The following FIP1L1 variants were observed in gnomAD, a reference collection of about 807,000 sequenced individuals.
FIP1L1 encodes the protein factor interacting with PAPOLA and CPSF1.
A neutral mutation model predicts 84.6 loss-of-function variants in FIP1L1; 21 were observed. The ratio of observed to expected loss-of-function variants is 0.25; its 90% CI spans 0.18 to 0.36. FIP1L1 has a LOEUF of 0.36. Ranked by LOEUF, FIP1L1 falls within the 10% of genes least tolerant of loss-of-function variation. The probability of loss-of-function intolerance (pLI) is 1.00; values close to 1 mark genes in which losing one functional copy is unlikely to be tolerated. For missense variants in FIP1L1, 526 were observed against 751.1 expected (o/e 0.70, Z 3.50); for synonymous variants, 263 against 242.3 (o/e 1.09, Z -0.80).
chr4:53,400,061 A>G (rs1749439546), intron 10 of FIP1L1, among the ~76,000 whole-genome samples: 1 of 152,208 alleles, frequency 6.6e-6, no homozygotes, highest in South Asian at 2.1e-4. Flanking sequence ...AGTTTTGTGT[A>G]TGAATAAAGA....
intron 14 of FIP1L1, among the ~76,000 whole-genome samples, chr4:53,443,649 T>C (rs1772960247): frequency 6.6e-6 from 1 of 152,148 alleles, no homozygotes; most frequent in Non-Finnish European, 1.5e-5. Flanking sequence ...ATTTTCTCAG[T>C]CAAAATGTTA....
At chr4:53,391,213 C>T in intron 8 of FIP1L1, 74 bp downstream of exon 8, 1 of 1,484,196 alleles carries the variant, frequency 6.7e-7, no homozygotes, top group East Asian at 2.3e-5. Context: ...AAATCGCTTC[C>T]CTATAAAAGT....
chr4:53,444,634 G>A (rs1477325985), intron 15 of FIP1L1, among the ~76,000 whole-genome samples: 1 of 152,016 alleles, frequency 6.6e-6, no homozygotes, highest in Non-Finnish European at 1.5e-5. Flanking sequence ...CTTGTCTGTT[G>A]CCTAGGCTGG....
In FIP1L1 at chr4:53,377,783, G is replaced by C. The variant is rs1241143697; in HGVS notation, c.-56G>C. On this transcript the variant is annotated 5_prime_UTR_variant, in exon 1 of 18. Transcript: ENST00000337488. ...TCGCGCCTCGGGGCTGCGAGGCTGG[G>C]GAAGGGGTTGGAGGGGGCTGTTGAT... The C allele has an allele frequency of 6.9e-7, 1 of 1,450,432 alleles. No homozygotes were observed. Among genetic ancestry groups the C allele is most frequent in the Non-Finnish European group, 9.2e-7 (1 of 1,085,196 alleles). 89.8% of individuals were successfully genotyped at this position (1,450,432 alleles called of 1,614,324 possible). A position where few individuals can be genotyped will look rare whatever the true frequency, so the allele number is the denominator to read the frequency against.
chr4:53,382,212 AAT>A, intron 3 of FIP1L1, 64 bp from the exon 4 acceptor site: 1 of 1,090,850 alleles, frequency 9.2e-7, no homozygotes, highest in South Asian at 1.3e-5. Context: ...TAGAAATACT[AAT>A]ATAATCTATC....
At chr4:53,380,727 A>G (rs879723894) in intron 3 of FIP1L1, among the ~76,000 whole-genome samples, 23 of 152,216 alleles carry the variant, frequency 1.5e-4, no homozygotes, top group Non-Finnish European at 2.5e-4. Context: ...TAAAATTTAT[A>G]TATTCAACTC....
In FIP1L1 at chr4:53,377,746, T is replaced by G; in HGVS notation, c.-93T>G. 2 of 1,222,956 alleles carry G rather than the reference T, an allele frequency of 1.6e-6. No individual in the cohort carries two copies. Among genetic ancestry groups the G allele is most frequent in the Non-Finnish European group, 2.2e-6 (2 of 908,140 alleles). 75.8% of individuals were successfully genotyped at this position (1,222,956 alleles called of 1,614,324 possible). A position where few individuals can be genotyped will look rare whatever the true frequency, so the allele number is the denominator to read the frequency against. On this transcript the variant is annotated 5_prime_UTR_variant, in exon 1 of 18. Transcript: ENST00000337488. Reference sequence around the variant, plus strand: ...CTTTCTTCGTTCGTTCGTCGGCGGGTTCGCGCCCTTCTCGCGCCTCGGGGC... The same window carrying G: ...CTTTCTTCGTTCGTTCGTCGGCGGGGTCGCGCCCTTCTCGCGCCTCGGGGC...
intron 13 of FIP1L1, 124 bp from the exon 14 acceptor site, chr4:53,442,529 A>G (rs1772397028): frequency 4.6e-6 from 3 of 650,214 alleles, no homozygotes; most frequent in Non-Finnish European, 8.2e-6. Context: ...TCTGTCCATT[A>G]TTACAACATA....
At chr4:53,404,231 A>G (rs1429701182) in intron 10 of FIP1L1, among the ~76,000 whole-genome samples, 23 of 134,240 alleles carry the variant, frequency 1.7e-4, no homozygotes, top group South Asian at 7.2e-4. Context: ...TCATTGTTCA[A>G]TTCCCACCTA....
chr4:53,383,743 G>A (rs1217738748), intron 4 of FIP1L1, 30 bp from the exon 5 acceptor site: 11 of 1,568,278 alleles, frequency 7.0e-6, no homozygotes, highest in East Asian at 7.0e-5. Flanking sequence ...ATTACTGAAT[G>A]TATTTTATAA....
At chr4:53,434,400 C>T (rs1051651006) in intron 13 of FIP1L1, among the ~76,000 whole-genome samples, 4 of 151,704 alleles carry the variant, frequency 2.6e-5, no homozygotes, top group Admixed American at 6.6e-5. Context: ...TGTGATATCA[C>T]GAGTTATGTG....
intron 16 of FIP1L1, among the ~76,000 whole-genome samples, chr4:53,454,153 C>T (rs768859550): frequency 6.6e-6 from 1 of 152,132 alleles, no homozygotes; most frequent in Non-Finnish European, 1.5e-5. Flanking sequence ...CAGTGCAAAC[C>T]ACATGTACAA....
chr4:53,458,801 TAATAAAATAGTGA>T lies in FIP1L1; in HGVS notation c.1637+13_1637+25del. 1 of 1,608,246 alleles carries T rather than the reference TAATAAAATAGTGA, an allele frequency of 6.2e-7. No individual in the cohort carries two copies. Among genetic ancestry groups the T allele is most frequent in the Non-Finnish European group, 8.5e-7 (1 of 1,177,302 alleles). Reference sequence around the variant, plus strand: ...TAAGTCTTCTCGAAGGTTTGCTCTTTAATAAAATAGTGAACCAATAGTATGTGAGAGATTTTGA... The same window carrying T: ...TAAGTCTTCTCGAAGGTTTGCTCTTTACCAATAGTATGTGAGAGATTTTGA... On this transcript the variant is annotated intron_variant, in intron 17 of 17. Coordinates refer to ENST00000337488, the MANE Select transcript of FIP1L1 (RefSeq NM_030917.4).
chr4:53,432,958 G>A (rs1767427591), intron 13 of FIP1L1, among the ~76,000 whole-genome samples: 1 of 152,104 alleles, frequency 6.6e-6, no homozygotes. Context: ...AGATTATAAG[G>A]AACAGTCATC....
At chr4:53,395,057 GT>G (rs1365245864) in intron 9 of FIP1L1, among the ~76,000 whole-genome samples, 1 of 152,058 alleles carries the variant, frequency 6.6e-6, no homozygotes, top group Admixed American at 6.6e-5. Context: ...ACATAAATTT[GT>G]TTTTAGAAAA....
chr4:53,392,670 A>G (rs1194619611), intron 9 of FIP1L1, among the ~76,000 whole-genome samples: 1 of 152,196 alleles, frequency 6.6e-6, no homozygotes, highest in African/African-American at 2.4e-5. Context: ...CTGCCATCAT[A>G]AACTGTTAGC....
In FIP1L1 at chr4:53,399,851, AGT is replaced by A; in HGVS notation, c.815+13_815+14del. 1 of 1,514,782 alleles carries A rather than the reference AGT, an allele frequency of 6.6e-7. No individual in the cohort carries two copies. The highest frequency in any genetic ancestry group is 9.2e-7 in the Non-Finnish European group (1 of 1,090,908). 93.8% of individuals were successfully genotyped at this position (1,514,782 alleles called of 1,614,324 possible). On this transcript the variant is annotated intron_variant, in intron 10 of 17. Coordinates refer to ENST00000337488, the MANE Select transcript of FIP1L1 (RefSeq NM_030917.4). ...CTTCCACCGAGCAGGTTAGTTACAT[AGT>A]TATAACTCAATTACTGTACGACATT...
Position 53,459,903 on chromosome 4 carries a change from A to G in FIP1L1, c.*454A>G, listed in dbSNP as rs551742055. 8.9e-6 allele frequency: 2 copies of G among 224,316 alleles called. No individual in the cohort carries two copies. The highest frequency in any genetic ancestry group is 1.1e-4 in the Admixed American group (2 of 17,734). The allele number at this position is 224,316 out of a possible 1,614,324, so 13.9% of individuals were successfully genotyped here. ...CATTACTGCTGTGACACTCTTGCTT[A>G]GTATATTAAGAGACTCATACATTTT... On this transcript the variant is annotated 3_prime_UTR_variant, in exon 18 of 18. Transcript: ENST00000337488.
At chr4:53,430,417 C>T (rs1008153633) in intron 13 of FIP1L1, among the ~76,000 whole-genome samples, 77 of 136,670 alleles carry the variant, frequency 5.6e-4, no homozygotes, top group African/African-American at 2.0e-3. Flanking sequence ...GGTGCGGTCT[C>T]AGCTCACTGC....
Sources: gnomAD v4.1 joint callset for allele counts (sites outside exome capture counted in the v4.1 genomes callset) on GRCh38, gnomAD v4.1.1 for gene constraint, MANE v1.5 for transcripts, NCBI Gene and HGNC (gene_info 2026-07-23, HGNC 2026-07-21) for gene names.